Variants in NKAIN2 observed in about 807,000 individuals in gnomAD.
NKAIN2 encodes the protein sodium/potassium transporting ATPase interacting 2, also known as sodium/potassium-transporting ATPase subunit beta-1-interacting protein 2.
Under a neutral mutation model 32.6 loss-of-function variants are expected in NKAIN2, and 14 were observed. That is an observed-to-expected ratio of 0.43 (90% confidence interval 0.28 to 0.67). The LOEUF (loss-of-function observed/expected upper bound fraction) is 0.67, where lower values mean the gene tolerates loss of function less well. NKAIN2 is among the 30% of genes least tolerant of loss of function. NKAIN2 has a pLI of 0.17. For synonymous variants in NKAIN2, 80 were observed against 87.2 expected, an observed-to-expected ratio of 0.92 and a Z score of 0.46; for missense variants, 198 against 258.3, an observed-to-expected ratio of 0.77 and a Z score of 1.60.
chr6:124,825,028 A>G lies in NKAIN2; in HGVS notation c.*1799A>G, dbSNP rs1231715899. Reference sequence around the variant, plus strand: ...ATGTATAAAATAAACAATTGCAAACATGTCAGTGAAACCTCATATGACGCT... The same window carrying G: ...ATGTATAAAATAAACAATTGCAAACGTGTCAGTGAAACCTCATATGACGCT... On this transcript the variant is annotated 3_prime_UTR_variant, in exon 7 of 7. Coordinates refer to ENST00000368417, the MANE Select transcript of NKAIN2 (RefSeq NM_001040214.3). 1.3e-5 allele frequency: 2 copies of G among 152,654 alleles called. No individual in the cohort carries two copies. The highest frequency in any genetic ancestry group is 2.9e-5 in the Non-Finnish European group (2 of 68,030). The allele number at this position is 152,654 out of a possible 1,614,324, so 9.5% of individuals were successfully genotyped here. A position where few individuals can be genotyped will look rare whatever the true frequency, so the allele number is the denominator to read the frequency against.
intron 3 of NKAIN2, among the ~76,000 whole-genome samples, chr6:124,597,790 A>C (rs955412372): frequency 2.6e-5 from 4 of 152,154 alleles, no homozygotes; most frequent in African/African-American, 4.8e-5. Context: ...TGTAAAAACC[A>C]TGGAGTTTTA....
chr6:123,891,226 T>A (rs771114103), intron 1 of NKAIN2, among the ~76,000 whole-genome samples: 1 of 152,122 alleles, frequency 6.6e-6, no homozygotes, highest in Middle Eastern at 3.4e-3. Flanking sequence ...GGGTACAGAG[T>A]TTCTCCTGGA....
chr6:124,621,978 T>TTAAG (rs1783123153), intron 3 of NKAIN2, among the ~76,000 whole-genome samples: 2 of 152,214 alleles, frequency 1.3e-5, no homozygotes, highest in African/African-American at 4.8e-5. Flanking sequence ...AATCTCACAT[T>TTAAG]TAAGTTTTAT....
chr6:123,976,354 TATATATATA>T lies in NKAIN2; in HGVS notation c.54+172101_54+172109del, dbSNP rs1778606510. On this transcript the variant is annotated intron_variant, in intron 1 of 6. Transcript: ENST00000368417. ...CCATATATATATATGTTCCCATATATATATATATATATATTCCCATATATATATATATAT... is the reference window on the plus strand; with the variant it reads ...CCATATATATATATGTTCCCATATATTATATTCCCATATATATATATATAT... Among the ~76,000 whole-genome samples, 5 of 28,796 alleles carry T rather than the reference TATATATATA, an allele frequency of 1.7e-4. 1 individual carries two copies. Among genetic ancestry groups the T allele is most frequent in the African/African-American group, 9.1e-4 (5 of 5,478 alleles). The allele number at this position is 28,796 out of a possible 152,430, so 18.9% of individuals were successfully genotyped here. A position where few individuals can be genotyped will look rare whatever the true frequency, so the allele number is the denominator to read the frequency against.
chr6:124,065,515 G>A (rs1264601299), intron 1 of NKAIN2, among the ~76,000 whole-genome samples: 1 of 152,120 alleles, frequency 6.6e-6, no homozygotes, highest in Non-Finnish European at 1.5e-5. Context: ...AGAGATGTGA[G>A]GGAGCTATTC....
chr6:124,664,901 T>A (rs1219630844), intron 4 of NKAIN2, among the ~76,000 whole-genome samples: 1 of 150,558 alleles, frequency 6.6e-6, no homozygotes, highest in East Asian at 2.0e-4. Context: ...AAATGTTTGA[T>A]CTTTAAACAA....
At chr6:124,721,226 A>C (rs1385980843) in intron 4 of NKAIN2, among the ~76,000 whole-genome samples, 1 of 151,976 alleles carries the variant, frequency 6.6e-6, no homozygotes, top group Non-Finnish European at 1.5e-5. Context: ...ACCACGGTGA[A>C]ACCCCGTCTC....
intron 4 of NKAIN2, among the ~76,000 whole-genome samples, chr6:124,730,649 G>T (rs1453871091): frequency 7.0e-6 from 1 of 143,192 alleles, no homozygotes; most frequent in African/African-American, 2.6e-5. Flanking sequence ...CATAGGCATG[G>T]GCAAGGACTT....
intron 1 of NKAIN2, among the ~76,000 whole-genome samples, chr6:124,146,187 A>C (rs1358236672): frequency 6.6e-6 from 1 of 152,224 alleles, no homozygotes; most frequent in Non-Finnish European, 1.5e-5. Context: ...CAATTTATAA[A>C]GAAATTGTTA....
rs112925536 is a variant in NKAIN2, at chr6:123,809,566, A to G, written c.54+5312A>G. Among the ~76,000 whole-genome samples the G allele has an allele frequency of 5.6e-3, 851 of 152,276 alleles. 11 individuals carry two copies. Among genetic ancestry groups the G allele is most frequent in the African/African-American group, 0.02 (819 of 41,584 alleles). On this transcript the variant is annotated intron_variant, in intron 1 of 6. Coordinates refer to ENST00000368417, the MANE Select transcript of NKAIN2 (RefSeq NM_001040214.3). ...TCCTCTTTTAGTATTTCAGGAGTTC[A>G]TATTTTGTAATACTGCTGTGCACAT...
At chr6:124,516,281 T>C (rs958174940) in intron 3 of NKAIN2, among the ~76,000 whole-genome samples, 1 of 152,120 alleles carries the variant, frequency 6.6e-6, no homozygotes, top group East Asian at 1.9e-4. Context: ...GAAGGCAACA[T>C]TTCCATCGAA....
intron 4 of NKAIN2, among the ~76,000 whole-genome samples, chr6:124,729,122 C>G (rs943425747): frequency 2.6e-5 from 4 of 152,152 alleles, no homozygotes; most frequent in Admixed American, 2.0e-4. Context: ...TGAATTCTAC[C>G]AGAAGTATGA....
At chr6:124,042,853 A>C (rs1030533308) in intron 1 of NKAIN2, among the ~76,000 whole-genome samples, 1 of 152,112 alleles carries the variant, frequency 6.6e-6, no homozygotes, top group Non-Finnish European at 1.5e-5. Context: ...ATTTACGTTC[A>C]TGTAAATTAG....
intron 3 of NKAIN2, among the ~76,000 whole-genome samples, chr6:124,359,006 C>T (rs1316644237): frequency 3.3e-5 from 5 of 151,496 alleles, no homozygotes; most frequent in African/African-American, 1.2e-4. Flanking sequence ...GCCAGTTTTC[C>T]CAGCACCATT....
chr6:123,831,649 G>GTTTTTTTTTTTTTTTTTTTTTT, intron 1 of NKAIN2, among the ~76,000 whole-genome samples: 1 of 140,266 alleles, frequency 7.1e-6, no homozygotes, highest in South Asian at 2.2e-4. Context: ...CTTTGTTACA[G>GTTTTTTTTTTTTTTTTTTTTTT]TTTTTTTTTT....
At chr6:124,202,381 A>G (rs911267290) in intron 1 of NKAIN2, among the ~76,000 whole-genome samples, 1 of 151,918 alleles carries the variant, frequency 6.6e-6, no homozygotes, top group Non-Finnish European at 1.5e-5. Context: ...ACCAAGTCTA[A>G]TTATGTTTTT....
intron 2 of NKAIN2, among the ~76,000 whole-genome samples, chr6:124,313,933 G>A (rs895707131): frequency 6.6e-6 from 1 of 152,028 alleles, no homozygotes; most frequent in Non-Finnish European, 1.5e-5. Flanking sequence ...ATAAGTTGCC[G>A]GGCTCTCTTT....
At chr6:124,196,838 AAT>A (rs1260023670) in intron 1 of NKAIN2, among the ~76,000 whole-genome samples, 2 of 151,858 alleles carry the variant, frequency 1.3e-5, no homozygotes, top group East Asian at 1.9e-4. Flanking sequence ...TTGCTTTATT[AAT>A]ATGTTTTCAT....
At chr6:124,511,366 G>A (rs1295497376) in intron 3 of NKAIN2, among the ~76,000 whole-genome samples, 2 of 152,164 alleles carry the variant, frequency 1.3e-5, no homozygotes, top group Non-Finnish European at 2.9e-5. Flanking sequence ...ATTGTGCCCT[G>A]GGTTCAGGAT....
Sources: gnomAD v4.1 joint callset for allele counts (sites outside exome capture counted in the v4.1 genomes callset) on GRCh38, gnomAD v4.1.1 for gene constraint, MANE v1.5 for transcripts, NCBI Gene and HGNC (gene_info 2026-07-23, HGNC 2026-07-21) for gene names.